The following PPP3CC variants were observed in gnomAD, a reference collection of about 807,000 sequenced individuals.
The protein encoded by PPP3CC is protein phosphatase 3 catalytic subunit gamma, also known as serine/threonine-protein phosphatase 2B catalytic subunit gamma isoform.
Under a neutral mutation model 60.3 loss-of-function variants are expected in PPP3CC, and 35 were observed. That is an observed-to-expected ratio of 0.58 (90% confidence interval 0.44 to 0.77). PPP3CC has a LOEUF of 0.77. PPP3CC is among the 30% of genes least tolerant of loss of function. The pLI, the probability that PPP3CC is intolerant of heterozygous loss-of-function variation, is 0.00. For synonymous variants in PPP3CC, 206 were observed against 224.3 expected, an observed-to-expected ratio of 0.92 and a Z score of 0.73; for missense variants, 570 against 628.9, an observed-to-expected ratio of 0.91 and a Z score of 1.00.
At chr8:22,445,765 C>T (rs1836802306) in intron 1 of PPP3CC, among the ~76,000 whole-genome samples, 1 of 152,068 alleles carries the variant, frequency 6.6e-6, no homozygotes, top group South Asian at 2.1e-4. Context: ...AATGTGAATA[C>T]GTTTTAAAGT....
At chr8:22,498,874 C>T (rs527569171) in intron 4 of PPP3CC, among the ~76,000 whole-genome samples, 7 of 151,836 alleles carry the variant, frequency 4.6e-5, no homozygotes, top group Non-Finnish European at 1.0e-4. Context: ...CCTGCAATCC[C>T]AGCACTTTGG....
intron 1 of PPP3CC, among the ~76,000 whole-genome samples, chr8:22,459,163 C>T (rs1837292611): frequency 6.6e-6 from 1 of 151,524 alleles, no homozygotes; most frequent in Non-Finnish European, 1.5e-5. Flanking sequence ...AACTCCTGGG[C>T]CCAAGTGATC....
chr8:22,524,769 C>A (rs564372816), intron 8 of PPP3CC, among the ~76,000 whole-genome samples: 73 of 152,292 alleles, frequency 4.8e-4, no homozygotes, highest in African/African-American at 1.7e-3. Flanking sequence ...AGTCAGCAGG[C>A]ACTATACAGC....
chr8:22,478,929 T>C (rs1837979685), intron 3 of PPP3CC, among the ~76,000 whole-genome samples: 1 of 152,212 alleles, frequency 6.6e-6, no homozygotes, highest in Non-Finnish European at 1.5e-5. Context: ...GTTTGCTAAC[T>C]TAAAGGGTTT....
intron 1 of PPP3CC, among the ~76,000 whole-genome samples, chr8:22,442,703 A>G (rs1006092535): frequency 2.6e-5 from 4 of 152,206 alleles, no homozygotes; most frequent in African/African-American, 9.6e-5. Context: ...GTGTCTTCAT[A>G]TTATTAGTGT....
chr8:22,484,649 G>A (rs186405633), intron 3 of PPP3CC, among the ~76,000 whole-genome samples: 2 of 152,200 alleles, frequency 1.3e-5, no homozygotes, highest in South Asian at 2.1e-4. Flanking sequence ...TTCTAACAAG[G>A]TCTGTTCAGT....
intron 3 of PPP3CC, among the ~76,000 whole-genome samples, chr8:22,477,258 C>T (rs1344206246): frequency 6.6e-6 from 1 of 152,064 alleles, no homozygotes; most frequent in Non-Finnish European, 1.5e-5. Flanking sequence ...GGGTGGATCA[C>T]CTGAGGTCAG....
At chr8:22,467,249 T>C (rs937830966) in intron 1 of PPP3CC, among the ~76,000 whole-genome samples, 1 of 152,164 alleles carries the variant, frequency 6.6e-6, no homozygotes, top group Non-Finnish European at 1.5e-5. Context: ...CATTGAGATA[T>C]TTGCCATCAA....
At chr8:22,488,072 C>T (rs759550684) in intron 3 of PPP3CC, among the ~76,000 whole-genome samples, 1 of 152,012 alleles carries the variant, frequency 6.6e-6, no homozygotes, top group Non-Finnish European at 1.5e-5. Flanking sequence ...GTGGATTGTG[C>T]CTTTATATAT....
At chr8:22,507,811 G>T (rs985858783) in intron 4 of PPP3CC, among the ~76,000 whole-genome samples, 1 of 152,016 alleles carries the variant, frequency 6.6e-6, no homozygotes, top group East Asian at 1.9e-4. Flanking sequence ...TTTATCCAAG[G>T]TCCCATAGCT....
intron 12 of PPP3CC, among the ~76,000 whole-genome samples, chr8:22,534,699 A>G (rs553989157): frequency 7.9e-5 from 12 of 152,254 alleles, no homozygotes; most frequent in Non-Finnish European, 1.8e-4. Context: ...GATGTCCATC[A>G]GTAGCAGACT....
intron 4 of PPP3CC, among the ~76,000 whole-genome samples, chr8:22,508,336 C>A (rs1838986290): frequency 6.6e-6 from 1 of 151,994 alleles, no homozygotes; most frequent in African/African-American, 2.4e-5. Context: ...GAAAGAACAG[C>A]TAAACTAAGA....
At position 22,450,155 on chromosome 8, in the gene PPP3CC, C is replaced by T. The variant is rs577455145; in HGVS notation, c.49+8697C>T. ...AAGTGCTGGGATTACAGGCGTGAGCCACCGCGCCCGGCTGTGATGACCATG... is the reference window on the plus strand; with the variant it reads ...AAGTGCTGGGATTACAGGCGTGAGCTACCGCGCCCGGCTGTGATGACCATG... On this transcript the variant is annotated intron_variant, in intron 1 of 13. Coordinates refer to ENST00000240139, the MANE Select transcript of PPP3CC (RefSeq NM_005605.5). 3.9e-5 allele frequency among the ~76,000 whole-genome samples: 6 copies of T among 152,206 alleles called. 1 individual carries two copies. Among genetic ancestry groups the T allele is most frequent in the African/African-American group, 1.4e-4 (6 of 41,566 alleles).
chr8:22,498,324 C>T (rs893143483), intron 4 of PPP3CC, among the ~76,000 whole-genome samples: 4 of 151,864 alleles, frequency 2.6e-5, no homozygotes, highest in African/African-American at 2.4e-5. Flanking sequence ...ATAAATAATT[C>T]GGGATATTTG....
chr8:22,457,644 G>A (rs1837243436), intron 1 of PPP3CC, among the ~76,000 whole-genome samples: 1 of 152,136 alleles, frequency 6.6e-6, no homozygotes, highest in African/African-American at 2.4e-5. Flanking sequence ...ATTGATTTCT[G>A]TAGCTATCGT....
At chr8:22,451,827 A>G (rs1837036302) in intron 1 of PPP3CC, among the ~76,000 whole-genome samples, 1 of 152,236 alleles carries the variant, frequency 6.6e-6, no homozygotes, top group African/African-American at 2.4e-5. Flanking sequence ...TATATGAAAC[A>G]TAAATGAATT....
chr8:22,503,424 A>G (rs1478263163), intron 4 of PPP3CC, among the ~76,000 whole-genome samples: 1 of 152,216 alleles, frequency 6.6e-6, no homozygotes, highest in Non-Finnish European at 1.5e-5. Flanking sequence ...AGGAGTAGAT[A>G]CGTAGTGAAG....
chr8:22,505,113 G>A (rs982149470), intron 4 of PPP3CC, among the ~76,000 whole-genome samples: 4 of 138,512 alleles, frequency 2.9e-5, no homozygotes, highest in African/African-American at 5.5e-5. Context: ...TGCAACCTCC[G>A]CCTCCCAAGT....
intron 1 of PPP3CC, among the ~76,000 whole-genome samples, chr8:22,451,920 G>T (rs1157107079): frequency 6.6e-6 from 1 of 151,936 alleles, no homozygotes; most frequent in East Asian, 1.9e-4. Flanking sequence ...ATCTGAAATT[G>T]AAATGCTTCT....
Sources: allele counts gnomAD v4.1 joint callset (sites outside exome capture counted in the v4.1 genomes callset), GRCh38; gene constraint gnomAD v4.1.1; transcripts MANE v1.5; gene names NCBI Gene and HGNC (gene_info 2026-07-23, HGNC 2026-07-21).